Variants in TRPM8 observed in about 807,000 individuals in gnomAD.
The protein encoded by TRPM8 is transient receptor potential cation channel subfamily M member 8, also known as TRPM8 cationic channel.
TRPM8 carries 110 observed loss-of-function variants against 133.7 expected under a neutral mutation model. The ratio of observed to expected loss-of-function variants is 0.82; its 90% confidence interval spans 0.70 to 0.96. TRPM8 has a LOEUF of 0.96. Ranked by LOEUF, TRPM8 falls within the 40% of genes least tolerant of loss-of-function variation. TRPM8 has a pLI of 0.00. For synonymous variants in TRPM8, 535 were observed against 532.3 expected (o/e 1.01, Z -0.07); for missense variants, 1,291 against 1,379.5 (o/e 0.94, Z 1.02).
intron 5 of TRPM8, among the ~76,000 whole-genome samples, chr2:233,941,242 T>C (rs1353439425): frequency 2.6e-5 from 4 of 152,182 alleles, no homozygotes; most frequent in Admixed American, 2.6e-4. Context: ...GCTATACGGA[T>C]TTTAAAATCA....
At chr2:233,997,485 G>A (rs1195454372) in intron 22 of TRPM8, among the ~76,000 whole-genome samples, 1 of 152,120 alleles carries the variant, frequency 6.6e-6, no homozygotes, top group Non-Finnish European at 1.5e-5. Flanking sequence ...GGGACAGGAT[G>A]GGAAGGGGAG....
intron 17 of TRPM8, among the ~76,000 whole-genome samples, chr2:233,973,135 G>A (rs1691774805): frequency 6.6e-6 from 1 of 152,208 alleles, no homozygotes; most frequent in Non-Finnish European, 1.5e-5. Flanking sequence ...TATGTGCAGG[G>A]AATTTCCCCA....
At chr2:233,920,369 A>G (rs1013219378) in intron 1 of TRPM8, among the ~76,000 whole-genome samples, 1 of 152,228 alleles carries the variant, frequency 6.6e-6, no homozygotes, top group African/African-American at 2.4e-5. Flanking sequence ...TTTTGAGAGT[A>G]AAGACCATGA....
chr2:234,000,877 C>T (rs1389577823), intron 22 of TRPM8, among the ~76,000 whole-genome samples: 1 of 152,128 alleles, frequency 6.6e-6, no homozygotes, highest in Non-Finnish European at 1.5e-5. Context: ...CAGGTTTCGC[C>T]ATGTTGGCCA....
intron 5 of TRPM8, among the ~76,000 whole-genome samples, chr2:233,941,445 AT>A (rs1690902589): frequency 6.6e-6 from 1 of 152,210 alleles, no homozygotes; most frequent in Non-Finnish European, 1.5e-5. Context: ...ACCTGAAAAT[AT>A]TAGAATGACT....
rs201236165 is a variant in TRPM8, at chr2:233,996,341, C to G, written c.2955C>G (p.Thr985=). ...LVAMFGYTVG[T]VQENNDQVWK... is the part of the protein sequence containing the mutation. ...CCCTCACCAGCTACACGGTGGGCAC[C>G]GTCCAGGAGAACAATGACCAGGTCT... Residue 985 remains threonine, a synonymous_variant, in exon 22 of 26, where the codon ACC becomes ACG. Transcript: ENST00000324695. 3 of 1,614,042 alleles carry G rather than the reference C, an allele frequency of 1.9e-6. No homozygotes were observed. The highest frequency in any genetic ancestry group is 3.3e-5 in the Admixed American group (2 of 60,018).
At chr2:233,974,875 G>C (rs1481695743) in intron 17 of TRPM8, among the ~76,000 whole-genome samples, 1 of 151,598 alleles carries the variant, frequency 6.6e-6, no homozygotes, top group Non-Finnish European at 1.5e-5. Context: ...TTAGCAGAGA[G>C]AGAGAGAGAG....
At chr2:233,927,645 G>A (rs2125040286) in intron 2 of TRPM8, among the ~76,000 whole-genome samples, 1 of 152,228 alleles carries the variant, frequency 6.6e-6, no homozygotes, top group East Asian at 1.9e-4. Context: ...AGCACCTCTG[G>A]GAGGGCCCTT....
chr2:233,991,264 C>T (rs1692269333), intron 21 of TRPM8, among the ~76,000 whole-genome samples: 1 of 152,148 alleles, frequency 6.6e-6, no homozygotes, highest in African/African-American at 2.4e-5. Context: ...ATGGCACAGT[C>T]TTAGTTGGTT....
At chr2:234,014,709 C>A in intron 25 of TRPM8, 55 bp downstream of exon 25, 2 of 634,400 alleles carry the variant, frequency 3.2e-6, no homozygotes, top group Non-Finnish European at 5.1e-6. Flanking sequence ...TCTTTTAAGA[C>A]TAATTTAAGA....
chr2:233,955,630 G>A (rs1366875512), intron 11 of TRPM8, among the ~76,000 whole-genome samples: 4 of 152,034 alleles, frequency 2.6e-5, no homozygotes, highest in Admixed American at 6.6e-5. Context: ...AAATCCAGAC[G>A]GCAGCACTCT....
chr2:233,936,890 C>A (rs1690756278), intron 3 of TRPM8, among the ~76,000 whole-genome samples: 1 of 123,044 alleles, frequency 8.1e-6, no homozygotes, highest in African/African-American at 2.9e-5. Flanking sequence ...TTCTTTCTTT[C>A]CTTTTTTTTT....
At chr2:233,985,023 G>T (rs1335169296) in intron 20 of TRPM8, among the ~76,000 whole-genome samples, 1 of 151,560 alleles carries the variant, frequency 6.6e-6, no homozygotes, top group Non-Finnish European at 1.5e-5. Flanking sequence ...GGTAGAGGTT[G>T]CAGTGAGCCG....
chr2:233,970,925 C>A (rs758585021), intron 17 of TRPM8, among the ~76,000 whole-genome samples: 22 of 152,116 alleles, frequency 1.4e-4, no homozygotes, highest in Non-Finnish European at 2.5e-4. Flanking sequence ...TTTCTTGGGA[C>A]CTTCATTTTT....
intron 17 of TRPM8, among the ~76,000 whole-genome samples, chr2:233,975,753 G>A (rs17868394): frequency 0.21 from 31,225 of 152,126 alleles, 3,461 homozygotes; most frequent in South Asian, 0.37. Context: ...ATGGTGGCGC[G>A]TGCCTGTAAT....
intron 21 of TRPM8, among the ~76,000 whole-genome samples, chr2:233,987,027 G>A (rs1559542804): frequency 6.6e-6 from 1 of 152,194 alleles, no homozygotes; most frequent in Admixed American, 6.5e-5. Flanking sequence ...CCATTCTTAG[G>A]AAAGTACTTC....
At chr2:233,988,420 C>T (rs373285753) in intron 21 of TRPM8, among the ~76,000 whole-genome samples, 2 of 152,052 alleles carry the variant, frequency 1.3e-5, no homozygotes, top group African/African-American at 4.8e-5. Flanking sequence ...TTGAGAATGG[C>T]GAACTCTGGA....
chr2:233,939,097 G>A lies in TRPM8; in HGVS notation c.448G>A (p.Gly150Arg). ...ACCCAACCTGGTCATTTCTGTGACC[G>A]GGGGCGCCAAGAACTTCGCCCTGAA... ...KTPNLVISVT[G>R]GAKNFALKPR... Residue 150 changes from glycine (G) to arginine (R), a missense_variant, in exon 5 of 26, where the codon GGG (glycine) becomes AGG (arginine). Coordinates refer to ENST00000324695, the MANE Select transcript of TRPM8 (RefSeq NM_024080.5). The A allele has an allele frequency of 6.8e-6, 11 of 1,614,102 alleles. No individual in the cohort carries two copies. Among genetic ancestry groups the A allele is most frequent in the Non-Finnish European group, 9.3e-6 (11 of 1,180,020 alleles).
chr2:233,970,284 T>C lies in TRPM8; in HGVS notation c.2213T>C (p.Phe738Ser). The C allele has an allele frequency of 6.2e-7, 1 of 1,614,182 alleles. No individual in the cohort carries two copies. Among genetic ancestry groups the C allele is most frequent in the African/African-American group, 1.3e-5 (1 of 75,050 alleles). Residue 738 changes from phenylalanine (F) to serine (S), a missense_variant, in exon 17 of 26, where the codon TTC (phenylalanine) becomes TCC (serine). Coordinates refer to ENST00000324695, the MANE Select transcript of TRPM8 (RefSeq NM_024080.5). The part of the protein sequence containing the change: ...VAFFTSPFVV[F>S]SWNVVFYIAF... The stretch of plus-strand genomic sequence containing the variant: ...TTCTTCACCTCCCCCTTCGTGGTCT[T>C]CTCCTGGAATGTGGTCTTCTACATC...
Sources: gnomAD v4.1 joint callset for allele counts (sites outside exome capture counted in the v4.1 genomes callset) on GRCh38, gnomAD v4.1.1 for gene constraint, MANE v1.5 for transcripts, NCBI Gene and HGNC (gene_info 2026-07-23, HGNC 2026-07-21) for gene names.